ATP8A2: variants seen among roughly 807,000 people sequenced by gnomAD.
ATP8A2 encodes the protein ATPase phospholipid transporting 8A2, also known as phospholipid-transporting ATPase IB.
ATP8A2 carries 100 observed loss-of-function variants against 165.6 expected under a neutral mutation model. That is an observed-to-expected ratio of 0.60 (90% CI 0.51 to 0.71). The LOEUF is 0.71. ATP8A2 is among the 30% of genes least tolerant of loss of function. The pLI is 0.00. For synonymous variants in ATP8A2, 543 were observed against 548.8 expected (o/e 0.99, Z 0.15); for missense variants, 1,227 against 1,479.5 (o/e 0.83, Z 2.80).
intron 2 of ATP8A2, among the ~76,000 whole-genome samples, chr13:25,523,718 G>A (rs990047698): frequency 2.0e-5 from 3 of 151,962 alleles, no homozygotes; most frequent in African/African-American, 7.2e-5. Context: ...CAGTTTTTAT[G>A]TTGCATTTCC....
At chr13:25,601,222 G>T (rs554221841) in intron 24 of ATP8A2, among the ~76,000 whole-genome samples, 3 of 152,060 alleles carry the variant, frequency 2.0e-5, no homozygotes, top group Non-Finnish European at 4.4e-5. Flanking sequence ...ATAGTAAGTC[G>T]TAGTTAACTA....
chr13:25,653,502 C>T (rs758169174), intron 24 of ATP8A2, among the ~76,000 whole-genome samples: 4 of 152,112 alleles, frequency 2.6e-5, no homozygotes, highest in Admixed American at 6.6e-5. Flanking sequence ...CTAATGGGTA[C>T]TAGGCTTAAC....
chr13:25,961,324 G>A (rs745323446), intron 33 of ATP8A2, among the ~76,000 whole-genome samples: 7 of 152,186 alleles, frequency 4.6e-5, no homozygotes, highest in Non-Finnish European at 8.8e-5. Context: ...GAAGGGGCTT[G>A]AAGCACTTTA....
At chr13:25,804,710 G>A (rs1374615280) in intron 27 of ATP8A2, among the ~76,000 whole-genome samples, 1 of 152,148 alleles carries the variant, frequency 6.6e-6, no homozygotes, top group East Asian at 1.9e-4. Context: ...CTCCAGGAGA[G>A]ACACTCTGAA....
At chr13:25,726,571 G>A (rs144769741) in intron 25 of ATP8A2, among the ~76,000 whole-genome samples, 1 of 151,968 alleles carries the variant, frequency 6.6e-6, no homozygotes, top group East Asian at 1.9e-4. Context: ...CTCTGCTTCT[G>A]TTGTCACATT....
chr13:25,768,909 T>G (rs2044553381), intron 25 of ATP8A2, 137 bp from the exon 26 acceptor site: 1 of 817,884 alleles, frequency 1.2e-6, no homozygotes, highest in Non-Finnish European at 2.0e-6. Context: ...AAAGCTTCTT[T>G]GCACATGAGC....
chr13:25,751,190 G>A (rs991939872), intron 25 of ATP8A2, among the ~76,000 whole-genome samples: 10 of 152,136 alleles, frequency 6.6e-5, no homozygotes, highest in African/African-American at 1.7e-4. Flanking sequence ...ATTCAACCTC[G>A]TCAACAGATG....
intron 1 of ATP8A2, among the ~76,000 whole-genome samples, chr13:25,465,729 TTC>T (rs1491469871): frequency 6.2e-5 from 2 of 32,072 alleles, no homozygotes; most frequent in African/African-American, 2.7e-4. Context: ...CTTTCTTTCT[TTC>T]TTTCTTTCCC....
At chr13:25,431,108 T>C (rs1036370627) in intron 1 of ATP8A2, among the ~76,000 whole-genome samples, 4 of 151,942 alleles carry the variant, frequency 2.6e-5, no homozygotes, top group African/African-American at 9.7e-5. Context: ...TTAGAAAACC[T>C]CAACATTGTT....
rs576386158 is a variant in ATP8A2 at position 25,411,280 on chromosome 13, A to G, written c.76+38992A>G. On this transcript the variant is annotated intron_variant, in intron 1 of 36. Transcript: ENST00000381655. ...CTCATGCTTTGTCCTACTCAGCCAG[A>G]AGGAGAATATCAGGTGTGTTTCCAC... Among the ~76,000 whole-genome samples the G allele has an allele frequency of 6.6e-5, 10 of 152,328 alleles. No homozygotes were observed. In the South Asian group the frequency reaches 1.7e-3, roughly 25 times the overall value.
chr13:25,510,077 T>C (rs1486289977), intron 2 of ATP8A2, among the ~76,000 whole-genome samples: 1 of 151,962 alleles, frequency 6.6e-6, no homozygotes, highest in Non-Finnish European at 1.5e-5. Context: ...GTTAAGATAA[T>C]AAATATTTTA....
chr13:25,484,306 T>C lies in ATP8A2; in HGVS notation c.221+15185T>C, dbSNP rs114638531. On this transcript the variant is annotated intron_variant, in intron 2 of 36. Coordinates refer to ENST00000381655, the MANE Select transcript of ATP8A2 (RefSeq NM_016529.6). Reference sequence around the variant, plus strand: ...GTCCACATGTATGACTAGAGTTGTATTGAATTGTGACTATAAAGTCTGCAT... The same window carrying C: ...GTCCACATGTATGACTAGAGTTGTACTGAATTGTGACTATAAAGTCTGCAT... 6.9e-3 allele frequency among the ~76,000 whole-genome samples: 1,056 copies of C among 152,306 alleles called. 18 individuals carry two copies. The highest frequency in any genetic ancestry group is 0.024 in the African/African-American group (1,005 of 41,574).
At chr13:25,875,086 C>T (rs563657634) in intron 33 of ATP8A2, among the ~76,000 whole-genome samples, 1 of 151,668 alleles carries the variant, frequency 6.6e-6, no homozygotes, top group Non-Finnish European at 1.5e-5. Flanking sequence ...TGGCAGTTGC[C>T]GGGGCTGGGG....
chr13:25,778,471 A>G (rs2044791968), intron 27 of ATP8A2, among the ~76,000 whole-genome samples: 1 of 152,208 alleles, frequency 6.6e-6, no homozygotes, highest in Admixed American at 6.5e-5. Context: ...TGAAAATACT[A>G]CAACCTGTGC....
intron 2 of ATP8A2, among the ~76,000 whole-genome samples, chr13:25,516,557 G>A (rs985149829): frequency 6.6e-6 from 1 of 152,056 alleles, no homozygotes; most frequent in Non-Finnish European, 1.5e-5. Flanking sequence ...TTTCTTTTGG[G>A]GCAGTGGCTG....
chr13:25,761,903 G>T (rs1195747822), intron 25 of ATP8A2, among the ~76,000 whole-genome samples: 2 of 151,864 alleles, frequency 1.3e-5, no homozygotes, highest in Non-Finnish European at 2.9e-5. Context: ...CTAAGCTTAG[G>T]TGTTAGCTTT....
At chr13:25,534,964 C>T (rs958797408) in intron 6 of ATP8A2, among the ~76,000 whole-genome samples, 4 of 152,056 alleles carry the variant, frequency 2.6e-5, no homozygotes, top group Admixed American at 1.3e-4. Context: ...CAAGAACCAC[C>T]GGTGTCCTGG....
intron 24 of ATP8A2, among the ~76,000 whole-genome samples, chr13:25,594,958 A>G (rs1307506344): frequency 1.4e-5 from 2 of 147,126 alleles, no homozygotes; most frequent in Non-Finnish European, 3.0e-5. Context: ...CAACGAGTAG[A>G]TAAAGAAACT....
chr13:25,795,764 G>T (rs1258518380), intron 27 of ATP8A2, among the ~76,000 whole-genome samples: 6 of 152,158 alleles, frequency 3.9e-5, no homozygotes, highest in Non-Finnish European at 1.5e-5. Context: ...CCTTGCCCAA[G>T]ATAGAGAAAA....
Sources: allele counts gnomAD v4.1 joint callset (sites outside exome capture counted in the v4.1 genomes callset), GRCh38; gene constraint gnomAD v4.1.1; transcripts MANE v1.5; gene names NCBI Gene and HGNC (gene_info 2026-07-23, HGNC 2026-07-21).